The following CFAP99 variants were observed in gnomAD, a reference collection of about 807,000 sequenced individuals.
CFAP99 encodes the protein cilia- and flagella-associated protein 99.
In CFAP99, 84 loss-of-function variants were observed where a neutral mutation model predicts 82.7. The ratio of observed to expected loss-of-function variants is 1.02; its 90% CI spans 0.85 to 1.22. The LOEUF (loss-of-function observed/expected upper bound fraction) is 1.22. Ranked by LOEUF, CFAP99 falls within the 50% of genes most tolerant of loss-of-function variation. CFAP99 has a pLI of 0.00. For synonymous variants in CFAP99, 456 were observed against 429.5 expected (o/e 1.06, Z -0.76); for missense variants, 1,059 against 983.5 (o/e 1.08, Z -1.03).
chr4:2,445,682 T>C (rs570715762), intron 6 of CFAP99, among the ~76,000 whole-genome samples: 28 of 152,322 alleles, frequency 1.8e-4, no homozygotes, highest in Admixed American at 1.4e-3. Flanking sequence ...GCATACTCTT[T>C]GGGCAGGCCT....
At chr4:2,453,873 GT>G (rs1734363774) in intron 11 of CFAP99, among the ~76,000 whole-genome samples, 1 of 151,370 alleles carries the variant, frequency 6.6e-6, no homozygotes, top group African/African-American at 2.4e-5. Context: ...GAGTGCGGTG[GT>G]GTGATCTCAG....
intron 4 of CFAP99, 150 bp downstream of exon 4, chr4:2,438,314 G>A: frequency 1.7e-6 from 1 of 591,386 alleles, no homozygotes; most frequent in Non-Finnish European, 3.1e-6. Context: ...CCAGGCTGGA[G>A]GGCAGTGGCG....
chr4:2,450,863 T>C, intron 8 of CFAP99, 84 bp from the exon 9 acceptor site: 2 of 1,207,144 alleles, frequency 1.7e-6, no homozygotes, highest in Non-Finnish European at 2.4e-6. Context: ...CCCAGGGTGC[T>C]GGGCCAGCAT....
At chr4:2,430,903 T>A (rs980766969) in intron 2 of CFAP99, among the ~76,000 whole-genome samples, 1 of 151,478 alleles carries the variant, frequency 6.6e-6, no homozygotes, top group African/African-American at 2.4e-5. Context: ...TGAGACCTTT[T>A]CTCTATAAAA....
intron 1 of CFAP99, among the ~76,000 whole-genome samples, 198 bp from the exon 2 acceptor site, chr4:2,426,261 G>A (rs1049219851): frequency 5.3e-5 from 8 of 151,916 alleles, no homozygotes; most frequent in Non-Finnish European, 1.0e-4. Context: ...ATGCACCTTG[G>A]GGTACCTGCC....
At chr4:2,449,585 C>A in intron 6 of CFAP99, 85 bp from the exon 7 acceptor site, 3 of 1,241,322 alleles carry the variant, frequency 2.4e-6, no homozygotes, top group South Asian at 1.3e-5. Flanking sequence ...CACCCACATC[C>A]ACCAAGCTGT....
At chr4:2,450,451 G>A in intron 8 of CFAP99, 1 of 282,854 alleles carries the variant, frequency 3.5e-6, no homozygotes, top group Non-Finnish European at 6.9e-6. Flanking sequence ...CCCGGGCTGG[G>A]CAGCCCATAT....
At chr4:2,458,747 G>A (rs1578483736) in exon 12 of CFAP99, 1 of 1,535,394 alleles carries the variant, frequency 6.5e-7, no homozygotes, top group Non-Finnish European at 8.7e-7. Context: ...GCTGCAGCGT[G>A]CAGAGAGACG....
rs917261099 is a variant in CFAP99 at position 2,450,882 on chromosome 4, T to A, written c.796-65T>A. On this transcript the variant is annotated intron_variant, in intron 8 of 14. Coordinates refer to ENST00000635017, the Ensembl canonical transcript of CFAP99. ...GGGTGCTGGGCCAGCATCCACCTGG[T>A]ATGTGTTTGGGGGCACCCAGCAGGC... 7.4e-6 allele frequency: 10 copies of A among 1,349,330 alleles called. No individual in the cohort carries two copies. In the African/African-American group the frequency reaches 1.4e-4, roughly 19 times the overall value. 83.6% of individuals were successfully genotyped at this position (1,349,330 alleles called of 1,614,324 possible).
rs1734432308 is a variant in CFAP99 at position 2,456,312 on chromosome 4, C to CA, written c.1162-2410dup. Among the ~76,000 whole-genome samples the CA allele has an allele frequency of 2.0e-5, 3 of 152,004 alleles. No homozygotes were observed. The South Asian group carries it at 6.2e-4, about 31-fold the overall frequency. On this transcript the variant is annotated intron_variant, in intron 11 of 14. Coordinates refer to ENST00000635017, the Ensembl canonical transcript of CFAP99. ...CCTCCCAAAGTGCTGGAATTATAGGCATAAGCCACCATGCCTGGCCTACAG... is the reference window on the plus strand; with the variant it reads ...CCTCCCAAAGTGCTGGAATTATAGGCAATAAGCCACCATGCCTGGCCTACAG...
At chr4:2,420,252 A>C (rs777665852) in intron 1 of CFAP99, among the ~76,000 whole-genome samples, 5 of 152,086 alleles carry the variant, frequency 3.3e-5, no homozygotes, top group Non-Finnish European at 7.4e-5. Flanking sequence ...TCCTACAGTT[A>C]CATGGTTTTA....
exon 3 of CFAP99, chr4:2,436,993 G>C (rs1472202763): frequency 1.3e-6 from 2 of 1,535,976 alleles, no homozygotes; most frequent in African/African-American, 2.7e-5. Context: ...GACTCTGCCT[G>C]CGGGTTGACC....
At chr4:2,429,356 CCA>C (rs2108712309) in intron 2 of CFAP99, 1 of 152,304 alleles carries the variant, frequency 6.6e-6, no homozygotes, top group Non-Finnish European at 1.5e-5. Flanking sequence ...TTTCTATAAC[CCA>C]CAGATTATTA....
chr4:2,447,964 GAT>G (rs1734209928), intron 6 of CFAP99, among the ~76,000 whole-genome samples: 3 of 151,264 alleles, frequency 2.0e-5, no homozygotes, highest in Non-Finnish European at 3.0e-5. Flanking sequence ...TGGATGGATG[GAT>G]GGATGGATGG....
chr4:2,419,823 A>AC (rs942897454), intron 1 of CFAP99, among the ~76,000 whole-genome samples: 1 of 151,656 alleles, frequency 6.6e-6, no homozygotes, highest in East Asian at 1.9e-4. Context: ...TCCTCTTCCT[A>AC]CCACCCAGTC....
rs537437369 is a variant in CFAP99, at chr4:2,446,859, A to G, written c.642+1551A>G. ...TGGATGATTGGATTGGTGAATGGAT[A>G]GATGGATGATTGGATGGAGGAATGA... is the stretch of plus-strand genomic sequence containing the variant. On this transcript the variant is annotated intron_variant, in intron 6 of 14. Transcript: ENST00000635017. The surrounding 1 kb of genome is among the most constrained non-coding windows in gnomAD (Gnocchi z 5.0). Among the ~76,000 whole-genome samples, 27 of 149,298 alleles carry G rather than the reference A, an allele frequency of 1.8e-4. No individual in the cohort carries two copies. Among genetic ancestry groups the G allele is most frequent in the African/African-American group, 6.4e-4 (26 of 40,752 alleles).
At chr4:2,444,662 T>C (rs983853076) in intron 5 of CFAP99, among the ~76,000 whole-genome samples, 2 of 152,176 alleles carry the variant, frequency 1.3e-5, no homozygotes, top group African/African-American at 2.4e-5. Context: ...ACAACTGGGC[T>C]CCTGCCCCAC....
At chr4:2,436,587 T>G (rs1431235106) in intron 2 of CFAP99, among the ~76,000 whole-genome samples, 1 of 152,206 alleles carries the variant, frequency 6.6e-6, no homozygotes, top group Non-Finnish European at 1.5e-5. Flanking sequence ...CAGCCTGTTC[T>G]CATTAGCTGG....
intron 2 of CFAP99, among the ~76,000 whole-genome samples, chr4:2,433,448 C>T (rs570197424): frequency 6.6e-6 from 1 of 151,964 alleles, no homozygotes; most frequent in Non-Finnish European, 1.5e-5. Flanking sequence ...CCAGTGCCCT[C>T]GGTGTGGGTA....
Sources: allele counts gnomAD v4.1 joint callset (sites outside exome capture counted in the v4.1 genomes callset), GRCh38; gene constraint gnomAD v4.1.1; non-coding constraint Gnocchi (gnomAD v3.1); transcripts MANE v1.5; gene names NCBI Gene and HGNC (gene_info 2026-07-23, HGNC 2026-07-21).